AHCYL2: variants seen among roughly 807,000 people sequenced by gnomAD.
AHCYL2 encodes S-adenosylhomocysteine hydrolase-like protein 2.
Under a neutral mutation model 81.4 loss-of-function variants are expected in AHCYL2, and 28 were observed. That is an observed-to-expected ratio of 0.34 (90% CI 0.25 to 0.47). The LOEUF (loss-of-function observed/expected upper bound fraction) is 0.47. Among genes scored for constraint, AHCYL2 ranks in the 20% least tolerant of loss-of-function variants. The probability of loss-of-function intolerance (pLI) is 1.00; values close to 1 mark genes in which losing one functional copy is unlikely to be tolerated. For missense variants in AHCYL2, 551 were observed against 785.1 expected, an observed-to-expected ratio of 0.70 and a Z score of 3.56; for synonymous variants, 272 against 290.2, an observed-to-expected ratio of 0.94 and a Z score of 0.64.
chr7:129,353,903 A>G (rs1793651861), intron 1 of AHCYL2, among the ~76,000 whole-genome samples: 1 of 151,978 alleles, frequency 6.6e-6, no homozygotes, highest in Non-Finnish European at 1.5e-5. Context: ...CAAAGGAAAT[A>G]TGAGTATAAT....
chr7:129,375,431 T>C lies in AHCYL2; in HGVS notation c.364-4207T>C, dbSNP rs1456133718. 2.0e-5 allele frequency among the ~76,000 whole-genome samples: 3 copies of C among 152,034 alleles called. No individual in the cohort carries two copies. In the South Asian group the frequency reaches 6.2e-4, roughly 32 times the overall value. ...CTAGGTTAACTAAAATCATCTGACA[T>C]GGAAAAGGAGGAGGTAAGGTTGAAA... is the stretch of plus-strand genomic sequence containing the variant. On this transcript the variant is annotated intron_variant, in intron 1 of 16. Transcript: ENST00000325006.
At chr7:129,367,419 T>A (rs1159703906) in intron 1 of AHCYL2, among the ~76,000 whole-genome samples, 2 of 152,190 alleles carry the variant, frequency 1.3e-5, no homozygotes, top group African/African-American at 4.8e-5. Context: ...CTAGCTTACC[T>A]TTTTTCTAGT....
At chr7:129,410,214 C>T (rs1796502624) in intron 11 of AHCYL2, 5 of 1,612,896 alleles carry the variant, frequency 3.1e-6, no homozygotes, top group Non-Finnish European at 3.4e-6. Context: ...CTCTTGGGAT[C>T]ACTGCTAAGC....
intron 1 of AHCYL2, among the ~76,000 whole-genome samples, chr7:129,349,620 C>G (rs976682352): frequency 4.1e-5 from 6 of 145,664 alleles, no homozygotes; most frequent in African/African-American, 1.5e-4. Context: ...TCATTGCATT[C>G]CAGCCTGGGC....
rs1798059504 is a variant in AHCYL2 at position 129,322,159 on chromosome 7, GT to G, written c.364-57476del. Among the ~76,000 whole-genome samples the G allele has an allele frequency of 2.6e-5, 4 of 151,146 alleles. 1 individual carries two copies. In the South Asian group the frequency reaches 8.4e-4, roughly 32 times the overall value. On this transcript the variant is annotated intron_variant, in intron 1 of 16. Transcript: ENST00000325006. ...GGAAGGTAAGGTTTTTTGTTTGTTT[GT>G]TTGTTTGTTTGCCCTGTTACCCAGG...
At chr7:129,272,881 G>A (rs1796069187) in intron 1 of AHCYL2, among the ~76,000 whole-genome samples, 1 of 151,950 alleles carries the variant, frequency 6.6e-6, no homozygotes, top group Admixed American at 6.6e-5. Context: ...CTCATCTCTA[G>A]TTGCTTCAAA....
chr7:129,249,453 C>G (rs985685261), intron 1 of AHCYL2, among the ~76,000 whole-genome samples: 1 of 151,626 alleles, frequency 6.6e-6, no homozygotes, highest in South Asian at 2.1e-4. Flanking sequence ...GAGTCTTGCT[C>G]TGTCGCCCAG....
At chr7:129,253,810 A>G (rs1795321578) in intron 1 of AHCYL2, among the ~76,000 whole-genome samples, 1 of 152,170 alleles carries the variant, frequency 6.6e-6, no homozygotes, top group South Asian at 2.1e-4. Context: ...TAGAGATTAG[A>G]ATGCAAATGT....
intron 1 of AHCYL2, among the ~76,000 whole-genome samples, chr7:129,357,730 C>T (rs375350652): frequency 7.1e-4 from 106 of 149,912 alleles, no homozygotes; most frequent in African/African-American, 2.1e-3. Flanking sequence ...GTCAGGAGAT[C>T]GAGACCATGC....
At chr7:129,257,191 G>A (rs1218572901) in intron 1 of AHCYL2, among the ~76,000 whole-genome samples, 1 of 152,146 alleles carries the variant, frequency 6.6e-6, no homozygotes, top group African/African-American at 2.4e-5. Flanking sequence ...GGAATGGCTT[G>A]GAAATGTATG....
intron 4 of AHCYL2, among the ~76,000 whole-genome samples, chr7:129,396,209 GCCTC>G (rs1222151975): frequency 6.6e-6 from 1 of 152,072 alleles, no homozygotes; most frequent in Non-Finnish European, 1.5e-5. Context: ...TGCAAGCTCT[GCCTC>G]CCAGGTTCAC....
In AHCYL2 at chr7:129,426,861, C is replaced by T. The variant is rs578220002; in HGVS notation, c.1830-178C>T. Among the ~76,000 whole-genome samples, 10 of 152,034 alleles carry T rather than the reference C, an allele frequency of 6.6e-5. No homozygotes were observed. The South Asian group carries it at 2.1e-3, about 32-fold the overall frequency. ...CATCTTGTTGCTATGATTTTTATCT[C>T]TTTATGGAGAAATATTGGCCTTTTT... On this transcript the variant is annotated intron_variant, in intron 16 of 16. Transcript: ENST00000325006. The surrounding 1 kb of genome is among the most constrained non-coding windows in gnomAD (Gnocchi z 4.3).
At position 129,427,124 on chromosome 7, in the gene AHCYL2, G is replaced by GC. The variant is rs1797399557; in HGVS notation, c.*80dup. On this transcript the variant is annotated 3_prime_UTR_variant, in exon 17 of 17. Transcript: ENST00000325006. This position sits in a 1 kb window ranked among gnomAD's most constrained non-coding sequence, Gnocchi z 5.5. ...CCACTACTATACAAGAAAGAATTCA[G>GC]CAAGCTGCTTCTCCAATCAAAGCTG... is the stretch of plus-strand genomic sequence containing the variant. 1 of 1,434,262 alleles carries GC rather than the reference G, an allele frequency of 7.0e-7. No homozygotes were observed. Among genetic ancestry groups the GC allele is most frequent in the Non-Finnish European group, 9.8e-7 (1 of 1,025,356 alleles). The allele number at this position is 1,434,262 out of a possible 1,614,324, so 88.8% of individuals were successfully genotyped here. A position where few individuals can be genotyped will look rare whatever the true frequency, so the allele number is the denominator to read the frequency against.
chr7:129,288,641 T>A (rs1796726001), intron 1 of AHCYL2, among the ~76,000 whole-genome samples: 1 of 152,176 alleles, frequency 6.6e-6, no homozygotes, highest in Non-Finnish European at 1.5e-5. Context: ...ATTACAGGCG[T>A]GAGCCACTGC....
At chr7:129,276,224 C>G (rs1045398357) in intron 1 of AHCYL2, among the ~76,000 whole-genome samples, 1 of 151,500 alleles carries the variant, frequency 6.6e-6, no homozygotes, top group African/African-American at 2.4e-5. Flanking sequence ...ACTAAAGCAG[C>G]ATTTAGAGGG....
chr7:129,317,906 T>TA (rs1797882268), intron 1 of AHCYL2, among the ~76,000 whole-genome samples: 1 of 152,232 alleles, frequency 6.6e-6, no homozygotes, highest in Admixed American at 6.5e-5. Context: ...TAACTATTAC[T>TA]ATTCCTCTAG....
intron 1 of AHCYL2, among the ~76,000 whole-genome samples, chr7:129,301,193 T>A (rs563109002): frequency 3.9e-5 from 6 of 152,298 alleles, no homozygotes; most frequent in Non-Finnish European, 7.4e-5. Context: ...TTTTGCCCAT[T>A]TTTTAATTGA....
chr7:129,411,383 C>T (rs1338631535), intron 11 of AHCYL2, among the ~76,000 whole-genome samples: 1 of 152,152 alleles, frequency 6.6e-6, no homozygotes, highest in Non-Finnish European at 1.5e-5. Flanking sequence ...ACCACCATTT[C>T]CCTATTCTGG....
At chr7:129,247,324 A>G (rs1285604414) in intron 1 of AHCYL2, among the ~76,000 whole-genome samples, 1 of 152,192 alleles carries the variant, frequency 6.6e-6, no homozygotes, top group Non-Finnish European at 1.5e-5. Context: ...CTCATGACTA[A>G]TGATGTTGAG....
Sources: gnomAD v4.1 joint callset for allele counts (sites outside exome capture counted in the v4.1 genomes callset) on GRCh38, gnomAD v4.1.1 for gene constraint, Gnocchi (gnomAD v3.1) non-coding constraint, MANE v1.5 for transcripts, NCBI Gene and HGNC (gene_info 2026-07-23, HGNC 2026-07-21) for gene names.